The following PLEKHA6 variants were observed in gnomAD, a reference collection of about 807,000 sequenced individuals.
The protein encoded by PLEKHA6 is pleckstrin homology domain-containing family A member 6.
A neutral mutation model predicts 116.7 loss-of-function variants in PLEKHA6; 60 were observed. The ratio of observed to expected loss-of-function variants is 0.51; its 90% CI spans 0.42 to 0.64. The LOEUF (loss-of-function observed/expected upper bound fraction) is 0.64, where lower values mean the gene tolerates loss of function less well. Among genes scored for constraint, PLEKHA6 ranks in the 30% least tolerant of loss-of-function variants. The pLI, the probability that PLEKHA6 is intolerant of heterozygous loss-of-function variation, is 0.00. For synonymous variants in PLEKHA6, 489 were observed against 556.1 expected, an observed-to-expected ratio of 0.88 and a Z score of 1.70; for missense variants, 1,338 against 1,422.7, an observed-to-expected ratio of 0.94 and a Z score of 0.96.
rs1032507105 is a variant in PLEKHA6 at position 204,261,018 on chromosome 1, A to G, written c.524+288T>C. The stretch of plus-strand genomic sequence containing the variant: ...TTAACACACACAGCCGAGAAAAACC[A>G]GCAAATGACCCTGACCTCTGGCTCC... On this transcript the variant is annotated intron_variant, in intron 7 of 22. Coordinates refer to ENST00000272203, the MANE Select transcript of PLEKHA6 (RefSeq NM_014935.5). This position sits in a 1 kb window ranked among gnomAD's most constrained non-coding sequence, Gnocchi z 4.0. 2.0e-5 allele frequency among the ~76,000 whole-genome samples: 3 copies of G among 152,226 alleles called. No homozygotes were observed. Among genetic ancestry groups the G allele is most frequent in the Non-Finnish European group, 2.9e-5 (2 of 68,032 alleles).
chr1:204,320,407 C>T (rs1672017494), intron 1 of PLEKHA6: 2 of 747,784 alleles, frequency 2.7e-6, no homozygotes, highest in Non-Finnish European at 3.3e-6. Flanking sequence ...CATCTGGATT[C>T]ACCATACTCG....
chr1:204,341,846 T>C (rs1230455563), intron 1 of PLEKHA6, among the ~76,000 whole-genome samples: 1 of 152,198 alleles, frequency 6.6e-6, no homozygotes, highest in Non-Finnish European at 1.5e-5. Context: ...CTCAAGAGTA[T>C]GTTACTAATA....
rs144713835 is a variant in PLEKHA6, at chr1:204,301,533, C to T, written c.-94-26724G>A. 537 of 899,340 alleles carry T rather than the reference C, an allele frequency of 6.0e-4. 5 individuals are homozygous for T. In the African/African-American group the frequency reaches 9.0e-3, roughly 15 times the overall value. 55.7% of individuals were successfully genotyped at this position (899,340 alleles called of 1,614,324 possible). ...CTCATTGGGCTTCCAGCCCTCTCTC[C>T]ACCCTACCACCACCCCATGGCTTCA... On this transcript the variant is annotated intron_variant, in intron 1 of 22. Transcript: ENST00000272203.
intron 1 of PLEKHA6, chr1:204,313,443 C>T (rs1425974911): frequency 7.6e-6 from 3 of 394,244 alleles, no homozygotes; most frequent in Non-Finnish European, 1.0e-5. Context: ...CATCTGGCCT[C>T]GGGGACTCCC....
chr1:204,307,994 G>C (rs2103129313), intron 1 of PLEKHA6: 1 of 632,320 alleles, frequency 1.6e-6, no homozygotes, highest in Non-Finnish European at 2.0e-6. Flanking sequence ...CTAGATAACT[G>C]GGTCTGACAT....
intron 17 of PLEKHA6, among the ~76,000 whole-genome samples, chr1:204,233,187 CTT>C (rs57991213): frequency 0.47 from 60,151 of 129,112 alleles, 12,369 homozygotes; most frequent in African/African-American, 0.59. Flanking sequence ...TTTTCTTTTT[CTT>C]TTTTTTTTTT....
intron 1 of PLEKHA6, among the ~76,000 whole-genome samples, chr1:204,325,351 G>C (rs1410147759): frequency 6.6e-6 from 1 of 152,200 alleles, no homozygotes; most frequent in African/African-American, 2.4e-5. Context: ...AGAATCCTTA[G>C]GGACATGGTG....
intron 1 of PLEKHA6, among the ~76,000 whole-genome samples, chr1:204,357,332 G>A (rs2103382423): frequency 6.6e-6 from 1 of 152,324 alleles, no homozygotes; most frequent in South Asian, 2.1e-4. Flanking sequence ...AGTCTCTGAG[G>A]GGCGTCTGAA....
chr1:204,314,099 G>A (rs1043670756), intron 1 of PLEKHA6, among the ~76,000 whole-genome samples: 2 of 152,158 alleles, frequency 1.3e-5, no homozygotes, highest in African/African-American at 4.8e-5. Context: ...TCTGAGGGAT[G>A]TCCTCTTACC....
chr1:204,250,571 T>C lies in PLEKHA6; in HGVS notation c.1568A>G (p.Tyr523Cys). Reference sequence around the variant, plus strand: ...ATCTGTGTCTTGCTCGTTTAACTTGTAGGTGTGGAGGCTGTCCCGGAACAC... The same window carrying C: ...ATCTGTGTCTTGCTCGTTTAACTTGCAGGTGTGGAGGCTGTCCCGGAACAC... ...PEVFRDSLHTYKLNEQDTDKL... is the reference protein window; with the variant it reads ...PEVFRDSLHTCKLNEQDTDKL... The change falls in exon 10 of 23, where the codon TAC (tyrosine) becomes TGC (cysteine). Residue 523 changes from tyrosine (Y) to cysteine (C), a missense_variant. Physicochemically the swap from Tyr to Cys is radical, Grantham distance 194 (BLOSUM62 -2). Coordinates refer to ENST00000272203, the MANE Select transcript of PLEKHA6 (RefSeq NM_014935.5). 6.2e-7 allele frequency: 1 copy of C among 1,612,844 alleles called. No individual in the cohort carries two copies. Among genetic ancestry groups the C allele is most frequent in the Non-Finnish European group, 8.5e-7 (1 of 1,179,516 alleles).
At chr1:204,289,085 G>A (rs889462665) in intron 1 of PLEKHA6, among the ~76,000 whole-genome samples, 3 of 152,118 alleles carry the variant, frequency 2.0e-5, no homozygotes, top group Non-Finnish European at 4.4e-5. Context: ...AGCAGCGCCG[G>A]GCTTGTGAGA....
intron 2 of PLEKHA6, chr1:204,369,403 C>CTT (rs1174360955): frequency 2.6e-5 from 4 of 152,244 alleles, no homozygotes; most frequent in Non-Finnish European, 4.4e-5. Flanking sequence ...ATAAATGCTA[C>CTT]TTGTTCCCCT....
At chr1:204,296,201 G>A (rs935540917) in intron 1 of PLEKHA6, among the ~76,000 whole-genome samples, 3 of 152,182 alleles carry the variant, frequency 2.0e-5, no homozygotes, top group Non-Finnish European at 4.4e-5. Context: ...AGGGGCCAGT[G>A]CAAGTGCATC....
At chr1:204,284,902 C>T (rs1344271967) in intron 1 of PLEKHA6, among the ~76,000 whole-genome samples, 1 of 152,074 alleles carries the variant, frequency 6.6e-6, no homozygotes, top group Non-Finnish European at 1.5e-5. Context: ...ATGCCTGGCA[C>T]ATTGAGTTGT....
At chr1:204,247,651 G>A (rs1268459171) in intron 12 of PLEKHA6, among the ~76,000 whole-genome samples, 191 bp from the exon 13 acceptor site, 1 of 152,160 alleles carries the variant, frequency 6.6e-6, no homozygotes, top group Non-Finnish European at 1.5e-5. Context: ...TACAAGAGAT[G>A]TAACAGCCCA....
In PLEKHA6 at chr1:204,223,522, A is replaced by G. The variant is rs1659914728; in HGVS notation, c.3095T>C (p.Leu1032Pro). The change falls in exon 22 of 23, where the codon CTG becomes CCG. Residue 1032 changes from leucine to proline, a missense_variant. By Grantham distance (98) the Leu-to-Pro change is moderately conservative. Transcript: ENST00000272203. The surrounding 1 kb of genome is among the most constrained non-coding windows in gnomAD (Gnocchi z 4.8). ...PASPAPPANP[L>P]SSESPRGADS... ...GGCGCCCCGTGGGGATTCAGACGACAGGGGGTTTGCTGGAGGAGCCGGGGA... is the reference window on the plus strand; with the variant it reads ...GGCGCCCCGTGGGGATTCAGACGACGGGGGGTTTGCTGGAGGAGCCGGGGA... 7.0e-7 allele frequency: 1 copy of G among 1,436,462 alleles called. No individual in the cohort carries two copies. Among genetic ancestry groups the G allele is most frequent in the Admixed American group, 2.1e-5 (1 of 47,472 alleles). The allele number at this position is 1,436,462 out of a possible 1,614,324, so 89.0% of individuals were successfully genotyped here. A position where few individuals can be genotyped will look rare whatever the true frequency, so the allele number is the denominator to read the frequency against.
intron 1 of PLEKHA6, among the ~76,000 whole-genome samples, chr1:204,302,154 G>C (rs1670886759): frequency 6.6e-6 from 1 of 152,184 alleles, no homozygotes; most frequent in African/African-American, 2.4e-5. Context: ...TAAACAAAGA[G>C]GATGGTGGCA....
Position 204,266,277 on chromosome 1 carries a change from C to A in PLEKHA6, c.280+1198G>T, listed in dbSNP as rs114146287. Among the ~76,000 whole-genome samples the A allele has an allele frequency of 8.7e-3, 1,329 of 152,288 alleles. 29 individuals carry two copies. Among genetic ancestry groups the A allele is most frequent in the African/African-American group, 0.03 (1,257 of 41,540 alleles). On this transcript the variant is annotated intron_variant, in intron 5 of 22. Transcript: ENST00000272203. The stretch of plus-strand genomic sequence containing the variant: ...AGGCTCTTGTCCTCCAGAGATGGAG[C>A]CCCTGCATGACAGAGTCCAGGCCAG...
chr1:204,241,564 A>T, intron 16 of PLEKHA6, 83 bp from the exon 17 acceptor site: 1 of 1,384,766 alleles, frequency 7.2e-7, no homozygotes, highest in East Asian at 2.4e-5. Flanking sequence ...TCTCAGCCCC[A>T]CTCTCCACCG....
Sources: gnomAD v4.1 joint callset for allele counts (sites outside exome capture counted in the v4.1 genomes callset) on GRCh38, gnomAD v4.1.1 for gene constraint, Gnocchi (gnomAD v3.1) non-coding constraint, MANE v1.5 for transcripts, NCBI Gene and HGNC (gene_info 2026-07-23, HGNC 2026-07-21) for gene names.